PLEKHA4: variants seen among roughly 807,000 people sequenced by gnomAD.
PLEKHA4 encodes pleckstrin homology domain-containing family A member 4.
In PLEKHA4, 73 loss-of-function variants were observed where a neutral mutation model predicts 94.7. That is an observed-to-expected ratio of 0.77 (90% CI 0.64 to 0.94). PLEKHA4 has a LOEUF of 0.94. Among genes scored for constraint, PLEKHA4 ranks in the 40% least tolerant of loss-of-function variants. The pLI is 0.00. For missense variants in PLEKHA4, 1,049 were observed against 1,054.1 expected (o/e 1.00, Z 0.07); for synonymous variants, 449 against 437.1 (o/e 1.03, Z -0.34).
At position 48,839,215 on chromosome 19, in the gene PLEKHA4, AC is replaced by A; in HGVS notation, c.1953del (p.Ser652ProfsTer39). On this transcript the variant is annotated frameshift_variant, in exon 18 of 20. Transcript: ENST00000263265. LOFTEE classifies it high-confidence loss of function. ...CCTCCAGTTCCTTACCTACTCCAGG[AC>A]CCAGAGCTTCTGAGCCATTTCTGGG... The part of the protein sequence containing the change: ...SGAQKWLRSS[G>X]SWSSPRNTTP... 1 of 1,597,042 alleles carries A rather than the reference AC, an allele frequency of 6.3e-7. No individual in the cohort carries two copies. The highest frequency in any genetic ancestry group is 1.7e-5 in the Admixed American group (1 of 58,680).
At chr19:48,842,243 C>A (rs1301789996) in intron 16 of PLEKHA4, among the ~76,000 whole-genome samples, 1 of 148,238 alleles carries the variant, frequency 6.7e-6, no homozygotes, top group African/African-American at 2.5e-5. Flanking sequence ...CTCCTGGGTT[C>A]AAGCACTTCT....
chr19:48,846,852 C>T (rs2035988184), intron 14 of PLEKHA4, among the ~76,000 whole-genome samples: 3 of 152,146 alleles, frequency 2.0e-5, no homozygotes, highest in Admixed American at 1.3e-4. Flanking sequence ...GTGTGACCTT[C>T]GGCAAGCTGC....
At chr19:48,864,608 T>C (rs2036766488) in intron 3 of PLEKHA4, among the ~76,000 whole-genome samples, 2 of 152,322 alleles carry the variant, frequency 1.3e-5, no homozygotes, top group South Asian at 4.1e-4. Context: ...TCACCCAGGC[T>C]GGTGTGCAGT....
Position 48,867,677 on chromosome 19 carries a change from C to G in PLEKHA4, c.-6-51G>C, listed in dbSNP as rs2036881312. The stretch of plus-strand genomic sequence containing the variant: ...TGTCTCTGCAGTGACGGGTGTGAGA[C>G]AGAGATGGGGTCAGGGGCTTGGAGG... On this transcript the variant is annotated intron_variant, in intron 1 of 19. Coordinates refer to ENST00000263265, the MANE Select transcript of PLEKHA4 (RefSeq NM_020904.3). This position sits in a 1 kb window ranked among gnomAD's most constrained non-coding sequence, Gnocchi z 4.7. 6.6e-7 allele frequency: 1 copy of G among 1,517,016 alleles called. No homozygotes were observed. Among genetic ancestry groups the G allele is most frequent in the Admixed American group, 2.0e-5 (1 of 50,920 alleles). The allele number at this position is 1,517,016 out of a possible 1,614,324, so 94.0% of individuals were successfully genotyped here. A position where few individuals can be genotyped will look rare whatever the true frequency, so the allele number is the denominator to read the frequency against.
At chr19:48,840,834 T>A (rs912089000) in intron 17 of PLEKHA4, among the ~76,000 whole-genome samples, 5 of 152,160 alleles carry the variant, frequency 3.3e-5, no homozygotes, top group African/African-American at 1.2e-4. Context: ...ATCAATTTTC[T>A]TCCTGGCTTA....
rs2036645434 is a variant in PLEKHA4, at chr19:48,861,644, CG to C, written c.240del (p.Gly81AlafsTer16). On this transcript the variant is annotated frameshift_variant, in exon 4 of 20. Coordinates refer to ENST00000263265, the MANE Select transcript of PLEKHA4 (RefSeq NM_020904.3). LOFTEE classifies it high-confidence loss of function. ...RLWKRRWFVL[S>X]GHCLFYYKDS... is the part of the protein sequence containing the mutation. ...CCCTTGTAATAAAAGAGGCAATGGC[CG>C]GAGAGGACGAACCAGCGGCGTTTCC... The C allele has an allele frequency of 6.2e-7, 1 of 1,614,012 alleles. No individual in the cohort carries two copies. Among genetic ancestry groups the C allele is most frequent in the Non-Finnish European group, 8.5e-7 (1 of 1,180,030 alleles).
Position 48,845,409 on chromosome 19 carries a change from A to T in PLEKHA4, c.1704T>A (p.Pro568=). 1 of 1,613,634 alleles carries T rather than the reference A, an allele frequency of 6.2e-7. No individual in the cohort carries two copies. Among genetic ancestry groups the T allele is most frequent in the Non-Finnish European group, 8.5e-7 (1 of 1,180,024 alleles). ...GSPRVSRASS[P]EGRHLPSPQL... ...GTGGGGAAGGGAGGTGGCGACCCTCAGGGCTGGAAGCCCGGGAGACCCTCG... is the reference window on the plus strand; with the variant it reads ...GTGGGGAAGGGAGGTGGCGACCCTCTGGGCTGGAAGCCCGGGAGACCCTCG... Residue 568 remains proline (P), a synonymous_variant, in exon 16 of 20, where the codon CCT becomes CCA. Transcript: ENST00000263265.
intron 2 of PLEKHA4, among the ~76,000 whole-genome samples, chr19:48,866,563 T>C (rs2036842522): frequency 6.6e-6 from 1 of 152,176 alleles, no homozygotes. Flanking sequence ...CGCCTCAGCC[T>C]CTTAAAGTGC....
At chr19:48,850,591 G>A (rs1443131911) in intron 13 of PLEKHA4, among the ~76,000 whole-genome samples, 1 of 152,142 alleles carries the variant, frequency 6.6e-6, no homozygotes, top group Non-Finnish European at 1.5e-5. Context: ...GCTGAGGCGG[G>A]TGGATCACCT....
intron 17 of PLEKHA4, among the ~76,000 whole-genome samples, chr19:48,839,925 C>T (rs2035687735): frequency 8.2e-6 from 1 of 122,428 alleles, no homozygotes; most frequent in Non-Finnish European, 2.0e-5. Context: ...ATGGTGTAAA[C>T]CCCGTCTCTA....
intron 16 of PLEKHA4, among the ~76,000 whole-genome samples, chr19:48,842,841 C>T (rs62127970): frequency 0.044 from 6,682 of 152,310 alleles, 231 homozygotes; most frequent in Admixed American, 0.085. Context: ...CCCCCATAGA[C>T]AAATCTGTCA....
intron 13 of PLEKHA4, among the ~76,000 whole-genome samples, chr19:48,849,145 AT>A (rs2036086867): frequency 1.3e-5 from 2 of 152,036 alleles, no homozygotes; most frequent in African/African-American, 4.8e-5. Flanking sequence ...GGCTCAGGTG[AT>A]CCACCTGCCT....
At chr19:48,845,245 T>G in intron 16 of PLEKHA4, 125 bp downstream of exon 16, 1 of 902,832 alleles carries the variant, frequency 1.1e-6, no homozygotes, top group African/African-American at 1.7e-5. Context: ...CTCAATGCTC[T>G]TAACAAGCAG....
intron 16 of PLEKHA4, among the ~76,000 whole-genome samples, chr19:48,842,143 C>CTTTTTT (rs398059794): frequency 9.1e-5 from 11 of 121,442 alleles, no homozygotes; most frequent in African/African-American, 3.1e-4. Flanking sequence ...AATTTATTTT[C>CTTTTTT]TTTTTTTTTT....
Position 48,841,163 on chromosome 19 carries a change from C to G in PLEKHA4, c.1891G>C (p.Asp631His). The G allele has an allele frequency of 6.2e-7, 1 of 1,610,552 alleles. No homozygotes were observed. Among genetic ancestry groups the G allele is most frequent in the Non-Finnish European group, 8.5e-7 (1 of 1,178,564 alleles). The change falls in exon 17 of 20, where the codon GAC (aspartate) becomes CAC (histidine). Residue 631 changes from aspartate (D) to histidine (H), a missense_variant. Transcript: ENST00000263265. ...CCTCCCCTCACCCTTTGCTCCACGT[C>G]AGGCTGGCGTCTGGCTGGGGACAGT... Reference protein sequence around the residue: ...RTLSPARRQPDVEQRPVVGHS... With the variant: ...RTLSPARRQPHVEQRPVVGHS...
At position 48,841,298 on chromosome 19, in the gene PLEKHA4, G is replaced by A. The variant is rs201224761; in HGVS notation, c.1756C>T (p.Arg586Trp). ...PQLGTKAPVA[R>W]PRMSAQEQLE... is the part of the protein sequence containing the mutation. ...TGCTCCTGGGCACTCATCCGGGGCC[G>A]GGCCACCGGGGCCTAGGGAGGCGAG... Residue 586 changes from arginine to tryptophan, a missense_variant, in exon 17 of 20, where the codon CGG becomes TGG. Coordinates refer to ENST00000263265, the MANE Select transcript of PLEKHA4 (RefSeq NM_020904.3). 9.1e-5 allele frequency: 147 copies of A among 1,609,486 alleles called. No individual in the cohort carries two copies. Among genetic ancestry groups the A allele is most frequent in the Middle Eastern group, 5.2e-4 (3 of 5,750 alleles).
In PLEKHA4 at chr19:48,861,440, A is replaced by C; in HGVS notation, c.327T>G (p.Asp109Glu). The change falls in exon 5 of 20, where the codon GAT becomes GAG. Residue 109 changes from aspartate to glutamate, a missense_variant. Asp to Glu is a conservative substitution (Grantham distance 45, BLOSUM62 2). Transcript: ENST00000263265. ...VLLPSYNIRPDGPGAPRGRRF... is the reference protein window; with the variant it reads ...VLLPSYNIRPEGPGAPRGRRF... The stretch of plus-strand genomic sequence containing the variant: ...GCCGCCCTCGGGGGGCTCCCGGCCC[A>C]TCTGGTCTAATATTGTAGCTGGGGA... The C allele has an allele frequency of 6.2e-7, 1 of 1,614,094 alleles. No individual in the cohort carries two copies. Among genetic ancestry groups the C allele is most frequent in the Non-Finnish European group, 8.5e-7 (1 of 1,180,036 alleles).
Position 48,867,512 on chromosome 19 carries a change from C to T in PLEKHA4, c.84+25G>A. 1.9e-6 allele frequency: 3 copies of T among 1,574,834 alleles called. No individual in the cohort carries two copies. Among genetic ancestry groups the T allele is most frequent in the East Asian group, 2.3e-5 (1 of 43,656 alleles). ...GGCGGCCCAGAGCCCCACCTTCCTC[C>T]CCATCCCCGCCAGGAAGCTCAAACC... is the stretch of plus-strand genomic sequence containing the variant. On this transcript the variant is annotated intron_variant, in intron 2 of 19. Transcript: ENST00000263265. The surrounding 1 kb of genome is among the most constrained non-coding windows in gnomAD (Gnocchi z 4.7).
At chr19:48,838,991 T>C (rs2035652768) in intron 18 of PLEKHA4, among the ~76,000 whole-genome samples, 1 of 151,998 alleles carries the variant, frequency 6.6e-6, no homozygotes, top group Non-Finnish European at 1.5e-5. Context: ...AGAAGTAGGA[T>C]CTGCTATTGA....
Sources: gnomAD v4.1 joint callset for allele counts (sites outside exome capture counted in the v4.1 genomes callset) on GRCh38, gnomAD v4.1.1 for gene constraint, Gnocchi (gnomAD v3.1) non-coding constraint, MANE v1.5 for transcripts, NCBI Gene and HGNC (gene_info 2026-07-23, HGNC 2026-07-21) for gene names.